The following WDR41 variants were observed in gnomAD, a reference collection of about 807,000 sequenced individuals.
WDR41 encodes WD repeat domain 41.
Under a neutral mutation model 69.3 loss-of-function variants are expected in WDR41, and 63 were observed. That is an observed-to-expected ratio of 0.91 (90% confidence interval 0.74 to 1.12). WDR41 has a LOEUF of 1.12. Among genes scored for constraint, WDR41 ranks in the 50% most tolerant of loss-of-function variants. The pLI, the probability that WDR41 is intolerant of heterozygous loss-of-function variation, is 0.00. For missense variants in WDR41, 543 were observed against 534.5 expected (o/e 1.02, Z -0.16); for synonymous variants, 185 against 192.1 (o/e 0.96, Z 0.31).
chr5:77,573,481 G>A (rs1743769387), intron 1 of WDR41, among the ~76,000 whole-genome samples: 1 of 152,146 alleles, frequency 6.6e-6, no homozygotes. Flanking sequence ...ATGCAGAAGA[G>A]ACCACAGAAG....
At chr5:77,598,400 G>T (rs1341231216) in intron 1 of WDR41, among the ~76,000 whole-genome samples, 1 of 152,174 alleles carries the variant, frequency 6.6e-6, no homozygotes, top group Non-Finnish European at 1.5e-5. Context: ...TTCTTGTTGG[G>T]AATCTGGGGG....
chr5:77,492,375 G>T, upstream of WDR41: 1 of 940,208 alleles, frequency 1.1e-6, no homozygotes, highest in Admixed American at 2.9e-5. Context: ...GCAGACCACA[G>T]TTGAGGGAGA....
At chr5:77,617,677 T>C (rs1224832223) in intron 1 of WDR41, among the ~76,000 whole-genome samples, 2 of 152,082 alleles carry the variant, frequency 1.3e-5, no homozygotes, top group Non-Finnish European at 2.9e-5. Flanking sequence ...AGTACTAAAA[T>C]ATTAGGTAGG....
chr5:77,509,562 T>C (rs530594430), intron 1 of WDR41, among the ~76,000 whole-genome samples: 1 of 152,244 alleles, frequency 6.6e-6, no homozygotes, highest in African/African-American at 2.4e-5. Context: ...TTGATGATCA[T>C]TGAAAACATT....
intron 1 of WDR41, among the ~76,000 whole-genome samples, chr5:77,597,160 G>T (rs1744243035): frequency 2.0e-5 from 3 of 151,774 alleles, no homozygotes; most frequent in South Asian, 2.1e-4. Context: ...ACAAGAAAAT[G>T]GTTTTAACCT....
In WDR41 at chr5:77,582,347, G is replaced by A. The variant is rs953135902; in HGVS notation, c.42+38132C>T. 1.3e-5 allele frequency: 21 copies of A among 1,591,730 alleles called. No homozygotes were observed. The East Asian group carries it at 2.0e-4, about 15-fold the overall frequency. ...GTTAACAAGTGCAGAGTACGCATGC[G>A]CCAACTTCCTCTTTTTCCGGCTGGA... is the stretch of plus-strand genomic sequence containing the variant. On this transcript the variant is annotated intron_variant, in intron 1 of 5. Coordinates refer to the WDR41 transcript ENST00000509971.
At chr5:77,568,428 T>G (rs751354964) in intron 1 of WDR41, among the ~76,000 whole-genome samples, 4 of 152,288 alleles carry the variant, frequency 2.6e-5, no homozygotes, top group Non-Finnish European at 5.9e-5. Context: ...AAATAACCCA[T>G]TCTTCCTGAG....
At chr5:77,596,397 T>C (rs1346620295) in intron 1 of WDR41, among the ~76,000 whole-genome samples, 1 of 152,178 alleles carries the variant, frequency 6.6e-6, no homozygotes, top group Non-Finnish European at 1.5e-5. Flanking sequence ...CCCAAAGTGC[T>C]GGGATTACAG....
intron 2 of WDR41, among the ~76,000 whole-genome samples, chr5:77,487,567 A>G (rs1194738442): frequency 6.6e-6 from 1 of 152,240 alleles, no homozygotes; most frequent in African/African-American, 2.4e-5. Flanking sequence ...GTACTGTTTA[A>G]TAACTTTGCT....
At chr5:77,547,320 G>T (rs566421399) in intron 1 of WDR41, among the ~76,000 whole-genome samples, 67 of 152,156 alleles carry the variant, frequency 4.4e-4, no homozygotes, top group African/African-American at 1.6e-3. Flanking sequence ...CAGTAAAGAG[G>T]AAGTCAAGCT....
chr5:77,513,664 T>C (rs926571643), intron 1 of WDR41, among the ~76,000 whole-genome samples: 2 of 152,198 alleles, frequency 1.3e-5, no homozygotes, highest in African/African-American at 4.8e-5. Flanking sequence ...ATACCTTTTT[T>C]CCTTCATAAA....
chr5:77,459,284 A>T (rs1799948790), intron 4 of WDR41, among the ~76,000 whole-genome samples, 160 bp from the exon 5 acceptor site: 2 of 152,164 alleles, frequency 1.3e-5, no homozygotes, highest in African/African-American at 4.8e-5. Flanking sequence ...GAATTCATAT[A>T]GTGAGTCATC....
At chr5:77,435,752 C>A (rs762820264) in intron 12 of WDR41, among the ~76,000 whole-genome samples, 1 of 152,178 alleles carries the variant, frequency 6.6e-6, no homozygotes, top group African/African-American at 2.4e-5. Context: ...TAAAAGCTTA[C>A]GCATTTCATA....
intron 2 of WDR41, among the ~76,000 whole-genome samples, chr5:77,478,354 CGG>C (rs1268524015): frequency 2.0e-5 from 3 of 152,122 alleles, no homozygotes; most frequent in African/African-American, 7.2e-5. Context: ...ATACCAAAGC[CGG>C]GCAGAGACAT....
chr5:77,523,151 T>C (rs2112194441), intron 1 of WDR41, among the ~76,000 whole-genome samples: 1 of 151,838 alleles, frequency 6.6e-6, no homozygotes, highest in South Asian at 2.1e-4. Context: ...CCATCTCTAC[T>C]AAAAATACAA....
rs1561721468 is a variant in WDR41 at position 77,433,232 on chromosome 5, A to G, written c.1283T>C (p.Ile428Thr). The G allele has an allele frequency of 1.2e-6, 2 of 1,614,062 alleles. No individual in the cohort carries two copies. Among genetic ancestry groups the G allele is most frequent in the African/African-American group, 1.3e-5 (1 of 75,054 alleles). Residue 428 changes from isoleucine (I) to threonine (T), a missense_variant, in exon 13 of 13, where the codon ATT becomes ACT. Coordinates refer to ENST00000296679, the MANE Select transcript of WDR41 (RefSeq NM_018268.4). ...GLVTCSADHL[I>T]ILWKNGERES... ...TCGCTCTCCATTTTTCCACAAAATA[A>G]TGAGATGATCAGCGGAGCACGTCAC...
intron 1 of WDR41, among the ~76,000 whole-genome samples, chr5:77,504,712 G>A (rs1581777173): frequency 1.3e-5 from 2 of 152,122 alleles, no homozygotes; most frequent in East Asian, 3.8e-4. Flanking sequence ...ATGCAAGGCT[G>A]GTTCAATATA....
At position 77,474,412 on chromosome 5, in the gene WDR41, T is replaced by C. The variant is rs554788611; in HGVS notation, c.168-9603A>G. On this transcript the variant is annotated intron_variant, in intron 2 of 12. Coordinates refer to ENST00000296679, the MANE Select transcript of WDR41 (RefSeq NM_018268.4). ...GTAACTAACCTGCACATTGTGCACA[T>C]GTACCCTAAAACTTAAAGTATAACA... is the stretch of plus-strand genomic sequence containing the variant. 3.3e-5 allele frequency among the ~76,000 whole-genome samples: 5 copies of C among 151,732 alleles called. No homozygotes were observed. The South Asian group carries it at 1.0e-3, about 32-fold the overall frequency.
At chr5:77,527,366 T>C (rs1235132803) in intron 1 of WDR41, among the ~76,000 whole-genome samples, 3 of 151,894 alleles carry the variant, frequency 2.0e-5, no homozygotes, top group Non-Finnish European at 2.9e-5. Flanking sequence ...AGCAGTCATA[T>C]TTAAGGCAAA....
Sources: allele counts gnomAD v4.1 joint callset (sites outside exome capture counted in the v4.1 genomes callset), GRCh38; gene constraint gnomAD v4.1.1; transcripts MANE v1.5; gene names NCBI Gene and HGNC (gene_info 2026-07-23, HGNC 2026-07-21).